NIBAN1: variants seen among roughly 807,000 people sequenced by gnomAD.
NIBAN1 encodes the protein niban apoptosis regulator 1.
In NIBAN1, 81 loss-of-function variants were observed where a neutral mutation model predicts 75.1. The ratio of observed to expected loss-of-function variants is 1.08; its 90% confidence interval spans 0.90 to 1.30. The LOEUF is 1.30. Among genes scored for constraint, NIBAN1 ranks in the 50% most tolerant of loss-of-function variants. The pLI, the probability that NIBAN1 is intolerant of heterozygous loss-of-function variation, is 0.00. For synonymous variants in NIBAN1, 436 were observed against 424.8 expected (o/e 1.03, Z -0.32); for missense variants, 1,133 against 1,128.1 (o/e 1.00, Z -0.06).
intron 12 of NIBAN1, among the ~76,000 whole-genome samples, chr1:184,800,191 T>C (rs1291669735): frequency 1.3e-5 from 2 of 151,700 alleles, no homozygotes; most frequent in Admixed American, 6.6e-5. Context: ...TCATGTCCTT[T>C]GCCCACTTTT....
intron 9 of NIBAN1, among the ~76,000 whole-genome samples, chr1:184,810,825 A>G (rs1020775664): frequency 6.6e-6 from 1 of 152,216 alleles, no homozygotes; most frequent in Admixed American, 6.5e-5. Context: ...AAACTCCTTT[A>G]AATTTAATTT....
chr1:184,795,935 C>T lies in NIBAN1; in HGVS notation c.1829G>A (p.Gly610Asp), dbSNP rs755786777. 3.7e-6 allele frequency: 6 copies of T among 1,614,086 alleles called. No homozygotes were observed. In the South Asian group the frequency reaches 5.5e-5, roughly 15 times the overall value. Residue 610 changes from glycine (G) to aspartate (D), a missense_variant, in exon 14 of 14, where the codon GGT (glycine) becomes GAT (aspartate). Physicochemically the swap from Gly to Asp is moderately conservative, Grantham distance 94. Transcript: ENST00000367511. ...RASAILPGVL[G>D]SETLSNEVFQ... ...TACTTCGTTACTGAGGGTCTCACTA[C>T]CCAGAACTCCTGGCAGAATGGCAGA... is the stretch of plus-strand genomic sequence containing the variant.
intron 1 of NIBAN1, among the ~76,000 whole-genome samples, chr1:184,926,750 C>T (rs913198256): frequency 6.6e-6 from 1 of 152,140 alleles, no homozygotes; most frequent in Non-Finnish European, 1.5e-5. Context: ...AATAAACTTT[C>T]TACCCCTATC....
intron 5 of NIBAN1, among the ~76,000 whole-genome samples, chr1:184,852,067 C>G (rs1655556127): frequency 6.6e-6 from 1 of 152,170 alleles, no homozygotes; most frequent in African/African-American, 2.4e-5. Context: ...GAGCCTCTCT[C>G]TCCCTTAGGA....
At chr1:184,953,561 T>G (rs1465709612) in intron 1 of NIBAN1, among the ~76,000 whole-genome samples, 1 of 152,236 alleles carries the variant, frequency 6.6e-6, no homozygotes, top group Non-Finnish European at 1.5e-5. Context: ...CCTGGAGAAA[T>G]GCTGAGTTTG....
chr1:184,843,537 C>T (rs1194027976), intron 5 of NIBAN1, among the ~76,000 whole-genome samples: 1 of 152,172 alleles, frequency 6.6e-6, no homozygotes, highest in Non-Finnish European at 1.5e-5. Context: ...AACATGCTTT[C>T]CATACACCTG....
At chr1:184,896,146 G>C (rs582859) in intron 2 of NIBAN1, among the ~76,000 whole-genome samples, 72,187 of 151,966 alleles carry the variant, frequency 0.48, 17,325 homozygotes, top group South Asian at 0.56. Flanking sequence ...ACTATTTTCC[G>C]TAGGGGTTGA....
chr1:184,823,570 C>T (rs5027434), intron 7 of NIBAN1, 68 bp downstream of exon 7: 1 of 1,552,400 alleles, frequency 6.4e-7, no homozygotes, highest in East Asian at 2.2e-5. Flanking sequence ...AACAAATGCC[C>T]TAAAAGAAAA....
intron 5 of NIBAN1, among the ~76,000 whole-genome samples, chr1:184,864,827 A>T (rs78060280): frequency 2.1e-3 from 315 of 152,094 alleles, no homozygotes; most frequent in African/African-American, 7.2e-3. Flanking sequence ...GCCAACAAAC[A>T]TATTTTAAGA....
intron 1 of NIBAN1, among the ~76,000 whole-genome samples, chr1:184,936,212 A>G (rs181857660): frequency 1.5e-3 from 221 of 152,236 alleles, no homozygotes; most frequent in Admixed American, 3.0e-3. Context: ...TGCTTGGACT[A>G]TGATAGATGC....
chr1:184,941,139 G>A (rs1658078246), intron 1 of NIBAN1, among the ~76,000 whole-genome samples: 1 of 152,206 alleles, frequency 6.6e-6, no homozygotes, highest in Admixed American at 6.5e-5. Context: ...AAGGAGAAGA[G>A]TTTGAAGACA....
chr1:184,823,281 ATCCT>A lies in NIBAN1; in HGVS notation c.867_870del (p.Glu289AspfsTer2), dbSNP rs757929114. The A allele has an allele frequency of 6.2e-7, 1 of 1,614,140 alleles. No individual in the cohort carries two copies. The highest frequency in any genetic ancestry group is 8.5e-7 in the Non-Finnish European group (1 of 1,180,020). On this transcript the variant is annotated frameshift_variant, in exon 8 of 14. Coordinates refer to ENST00000367511, the MANE Select transcript of NIBAN1 (RefSeq NM_052966.4). LOFTEE classifies it high-confidence loss of function. Reference sequence around the variant, plus strand: ...CTGCATTCCTCCTTCAAGGCACTTAATCCTTCTGAAACTTGATGCTGAACCAGGG... The same window carrying A: ...CTGCATTCCTCCTTCAAGGCACTTAATCTGAAACTTGATGCTGAACCAGGG...
rs113891946 is a variant in NIBAN1, at chr1:184,917,499, C to A, written c.56-18190G>T. 4.6e-5 allele frequency among the ~76,000 whole-genome samples: 7 copies of A among 151,356 alleles called. No homozygotes were observed. The East Asian group carries it at 9.8e-4, about 21-fold the overall frequency. ...GCTGGGATTACAGGCGTGAGCCACC[C>A]TGCCCGGCCGGTCTCTTCCACTTTT... On this transcript the variant is annotated intron_variant, in intron 1 of 13. Transcript: ENST00000367511.
chr1:184,832,384 G>A (rs987939425), intron 5 of NIBAN1, among the ~76,000 whole-genome samples: 5 of 152,196 alleles, frequency 3.3e-5, no homozygotes, highest in South Asian at 2.1e-4. Context: ...TCTGTGACTC[G>A]GTATCAGCTT....
intron 1 of NIBAN1, among the ~76,000 whole-genome samples, chr1:184,913,407 A>G (rs1369182138): frequency 6.6e-6 from 1 of 152,056 alleles, no homozygotes; most frequent in Non-Finnish European, 1.5e-5. Flanking sequence ...ATATAGGTGT[A>G]GAAAGTTAGT....
chr1:184,911,862 A>G (rs1657249111), intron 1 of NIBAN1, among the ~76,000 whole-genome samples: 1 of 152,174 alleles, frequency 6.6e-6, no homozygotes, highest in Admixed American at 6.5e-5. Flanking sequence ...AGTGAATAAT[A>G]TATATACCTA....
chr1:184,838,379 C>T (rs540950018), intron 5 of NIBAN1, among the ~76,000 whole-genome samples: 7 of 152,064 alleles, frequency 4.6e-5, no homozygotes, highest in African/African-American at 1.4e-4. Context: ...GCCAACTCAA[C>T]GATACAAAAA....
intron 6 of NIBAN1, among the ~76,000 whole-genome samples, chr1:184,825,506 T>C (rs112062406): frequency 9.9e-5 from 15 of 152,252 alleles, no homozygotes; most frequent in African/African-American, 3.4e-4. Flanking sequence ...TATGAGATAA[T>C]TAATGGGACT....
At chr1:184,934,624 C>T (rs570616161) in intron 1 of NIBAN1, among the ~76,000 whole-genome samples, 4 of 152,260 alleles carry the variant, frequency 2.6e-5, no homozygotes, top group African/African-American at 7.2e-5. Flanking sequence ...TGGCCACTAG[C>T]AGTGGCTCAC....
Sources: gnomAD v4.1 joint callset for allele counts (sites outside exome capture counted in the v4.1 genomes callset) on GRCh38, gnomAD v4.1.1 for gene constraint, MANE v1.5 for transcripts, NCBI Gene and HGNC (gene_info 2026-07-23, HGNC 2026-07-21) for gene names.